NRXN2: variants seen among roughly 807,000 people sequenced by gnomAD.
NRXN2 encodes the protein neurexin 2, also known as neurexin-2-beta.
Under a neutral mutation model 128.8 loss-of-function variants are expected in NRXN2, and 29 were observed. The observed-to-expected ratio is 0.23, with a 90% CI of 0.17 to 0.31. The LOEUF (loss-of-function observed/expected upper bound fraction) is 0.31. Ranked by LOEUF, NRXN2 falls within the 10% of genes least tolerant of loss-of-function variation. The probability of loss-of-function intolerance (pLI) is 1.00; values close to 1 mark genes in which losing one functional copy is unlikely to be tolerated. For missense variants in NRXN2, 1,881 were observed against 2,452.6 expected (o/e 0.77, Z 4.92); for synonymous variants, 1,098 against 1,075.2 (o/e 1.02, Z -0.41).
At chr11:64,614,256 AC>A (rs2041119539) in intron 22 of NRXN2, among the ~76,000 whole-genome samples, 2 of 152,300 alleles carry the variant, frequency 1.3e-5, no homozygotes, top group African/African-American at 4.8e-5. Flanking sequence ...CGCCCCCGCA[AC>A]CTCCCACCTA....
chr11:64,713,677 C>A lies in NRXN2; in HGVS notation c.23G>T (p.Arg8Leu), dbSNP rs940303150. The A allele has an allele frequency of 1.7e-6, 2 of 1,154,490 alleles. No individual in the cohort carries two copies. Among genetic ancestry groups the A allele is most frequent in the South Asian group, 3.9e-5 (1 of 25,620 alleles). 71.5% of individuals were successfully genotyped at this position (1,154,490 alleles called of 1,614,324 possible). Reference protein sequence around the residue: MASGSRWRPTPPPLLLLL... With the variant: MASGSRWLPTPPPLLLLL... ...CAACAGCAGCGGCGGCGGTGTCGGCCGCCACCGGCTCCCGGACGCCATGCC... is the reference window on the plus strand; with the variant it reads ...CAACAGCAGCGGCGGCGGTGTCGGCAGCCACCGGCTCCCGGACGCCATGCC... The change falls in exon 2 of 23, where the codon CGG becomes CTG. Residue 8 changes from arginine (R) to leucine (L), a missense_variant. By Grantham distance (102) the Arg-to-Leu change is moderately radical. This residue lies in a region of NRXN2 where 997 missense variants were observed against 1,240.8 expected (regional missense o/e 0.80). Transcript: ENST00000265459.
chr11:64,608,240 G>GCCGGCTTA (rs2040026045), intron 22 of NRXN2, among the ~76,000 whole-genome samples, 158 bp from the exon 23 acceptor site: 1 of 152,222 alleles, frequency 6.6e-6, no homozygotes, highest in Non-Finnish European at 1.5e-5. Flanking sequence ...CCAGCCGGCC[G>GCCGGCTTA]AGCACTGCGC....
chr11:64,642,548 C>A (rs1412154823), intron 17 of NRXN2: 1 of 1,608,790 alleles, frequency 6.2e-7, no homozygotes, highest in African/African-American at 1.3e-5. Context: ...CCGTGGCCGC[C>A]GCGGGTGAGG....
chr11:64,688,239 G>A (rs1015950711), intron 5 of NRXN2: 2 of 964,936 alleles, frequency 2.1e-6, no homozygotes, highest in East Asian at 1.1e-4. Context: ...TGGGGTGGGT[G>A]GCAAAGCTAG....
At chr11:64,669,779 A>C (rs979497684) in intron 7 of NRXN2, among the ~76,000 whole-genome samples, 1 of 152,212 alleles carries the variant, frequency 6.6e-6, no homozygotes, top group Non-Finnish European at 1.5e-5. Context: ...CTACTCTAGG[A>C]AGGCAGTGGT....
intron 2 of NRXN2, among the ~76,000 whole-genome samples, chr11:64,705,774 CCT>C (rs1289092908): frequency 6.6e-6 from 1 of 151,310 alleles, no homozygotes; most frequent in African/African-American, 2.4e-5. Flanking sequence ...ATTCCCCTCT[CCT>C]CTCACCCCTC....
At chr11:64,679,299 T>C (rs1565388955) in intron 6 of NRXN2, among the ~76,000 whole-genome samples, 1 of 152,340 alleles carries the variant, frequency 6.6e-6, no homozygotes, top group East Asian at 1.9e-4. Context: ...TTTTCAACTT[T>C]ATGAACAAGA....
At chr11:64,628,440 CTCAGTATATACAGGCAACCA>C (rs1320936490) in intron 19 of NRXN2, among the ~76,000 whole-genome samples, 1 of 152,122 alleles carries the variant, frequency 6.6e-6, no homozygotes. Flanking sequence ...AGGATCTGCC[CTCAGTATATACAGGCAACCA>C]CCAGACCCTC....
Position 64,690,457 on chromosome 11 carries a change from G to A in NRXN2, c.798C>T (p.Ser266=), listed in dbSNP as rs751041121. The change falls in exon 5 of 23, where the codon TCC becomes TCT. Residue 266 remains serine (S), a synonymous_variant. Coordinates refer to ENST00000265459, the MANE Select transcript of NRXN2 (RefSeq NM_015080.4). Reference sequence around the variant, plus strand: ...CTCCTCCTCTCCCGGCCCCCCCCTCGGAGAACAGTAAGGACCCTACTGGAG... The same window carrying A: ...CTCCTCCTCTCCCGGCCCCCCCCTCAGAGAACAGTAAGGACCCTACTGGAG... ...LNSEVGSLLF[S]EGGAGRGGAG... 48 of 1,613,302 alleles carry A rather than the reference G, an allele frequency of 3.0e-5. No individual in the cohort carries two copies. The South Asian group carries it at 3.3e-4, about 11-fold the overall frequency.
In NRXN2 at chr11:64,642,495, G is replaced by A. The variant is rs757723668; in HGVS notation, c.3403+5724C>T. 3.2e-6 allele frequency: 5 copies of A among 1,581,424 alleles called. No homozygotes were observed. The Admixed American group carries it at 5.2e-5, about 17-fold the overall frequency. Reference sequence around the variant, plus strand: ...GCTGCGCACACGGGAAGCGCCCCCCGCCCCCGGGCCAACCGGGTGGCCGGC... The same window carrying A: ...GCTGCGCACACGGGAAGCGCCCCCCACCCCCGGGCCAACCGGGTGGCCGGC... On this transcript the variant is annotated intron_variant, in intron 17 of 22. Coordinates refer to ENST00000265459, the MANE Select transcript of NRXN2 (RefSeq NM_015080.4).
Position 64,607,449 on chromosome 11 carries a change from A to T in NRXN2, c.4886T>A (p.Ile1629Asn). Residue 1629 changes from isoleucine (I) to asparagine (N), a missense_variant, in exon 23 of 23, where the codon ATC (isoleucine) becomes AAC (asparagine). Ile to Asn is a moderately radical substitution (Grantham distance 149, BLOSUM62 -3). Coordinates refer to ENST00000265459, the MANE Select transcript of NRXN2 (RefSeq NM_015080.4). ...ERGPPGAVEVIRESSSTTGMV... is the reference protein window; with the variant it reads ...ERGPPGAVEVNRESSSTTGMV... ...GCCCGTGGTGCTGCTGGACTCCCGGATCACCTCCACTGCGCCCGGCGGGCC... is the reference window on the plus strand; with the variant it reads ...GCCCGTGGTGCTGCTGGACTCCCGGTTCACCTCCACTGCGCCCGGCGGGCC... The T allele has an allele frequency of 6.2e-7, 1 of 1,611,784 alleles. No homozygotes were observed. The highest frequency in any genetic ancestry group is 8.5e-7 in the Non-Finnish European group (1 of 1,179,704).
rs775735079 is a variant in NRXN2, at chr11:64,648,272, C to A, written c.3350G>T (p.Gly1117Val). 82 of 1,614,098 alleles carry A rather than the reference C, an allele frequency of 5.1e-5. No individual in the cohort carries two copies. The highest frequency in any genetic ancestry group is 6.7e-5 in the Non-Finnish European group (79 of 1,180,032). The part of the protein sequence containing the change: ...NQGVCLQQWD[G>V]FTCDCTMTSY... ...AGTCATGGTGCAGTCGCAGGTGAAG[C>A]CATCCCACTGCTGCAAGCAGACGCC... Residue 1117 changes from glycine (G) to valine (V), a missense_variant, in exon 17 of 23, where the codon GGC (glycine) becomes GTC (valine). Gly to Val is a moderately radical substitution (Grantham distance 109, BLOSUM62 -3). This residue lies in a region of NRXN2 where 390 missense variants were observed against 599.6 expected (regional missense o/e 0.65). Coordinates refer to ENST00000265459, the MANE Select transcript of NRXN2 (RefSeq NM_015080.4). The surrounding 1 kb of genome is among the most constrained non-coding windows in gnomAD (Gnocchi z 4.1).
rs1042237080 is a variant in NRXN2, at chr11:64,615,520, C to A, written c.4252+4774G>T. 3.9e-5 allele frequency among the ~76,000 whole-genome samples: 6 copies of A among 152,150 alleles called. No homozygotes were observed. In the East Asian group the frequency reaches 1.2e-3, roughly 29 times the overall value. The stretch of plus-strand genomic sequence containing the variant: ...GGTCTCATTCATGTGTGCATGAGGG[C>A]AATGCTTCAGGAGGGATGCTTGCAT... On this transcript the variant is annotated intron_variant, in intron 22 of 22. Coordinates refer to ENST00000265459, the MANE Select transcript of NRXN2 (RefSeq NM_015080.4).
At chr11:64,716,824 C>T (rs1015195111) in intron 1 of NRXN2, among the ~76,000 whole-genome samples, 1 of 152,108 alleles carries the variant, frequency 6.6e-6, no homozygotes, top group Non-Finnish European at 1.5e-5. Context: ...GGCAGCTTCA[C>T]GCTTGCCAGG....
intron 11 of NRXN2, among the ~76,000 whole-genome samples, chr11:64,654,911 T>G (rs1463658576): frequency 1.3e-5 from 2 of 152,042 alleles, no homozygotes; most frequent in Non-Finnish European, 2.9e-5. Context: ...CTTCCCTCCA[T>G]GTGAGCTGAG....
intron 20 of NRXN2, among the ~76,000 whole-genome samples, chr11:64,625,601 A>G (rs555984930): frequency 6.6e-6 from 1 of 152,280 alleles, no homozygotes; most frequent in South Asian, 2.1e-4. Context: ...TGGAGATTTA[A>G]CAGTTCTACT....
intron 5 of NRXN2, among the ~76,000 whole-genome samples, chr11:64,687,807 C>T (rs2053264729): frequency 2.0e-5 from 3 of 152,136 alleles, no homozygotes; most frequent in Admixed American, 1.3e-4. Context: ...GGAACAGGTA[C>T]AGGAGATGGG....
intron 6 of NRXN2, among the ~76,000 whole-genome samples, chr11:64,680,702 G>C (rs1335185854): frequency 6.6e-6 from 1 of 152,188 alleles, no homozygotes; most frequent in Non-Finnish European, 1.5e-5. Context: ...GGGCTAGTGG[G>C]GAGAGACGTT....
chr11:64,607,520 G>T lies in NRXN2; in HGVS notation c.4815C>A (p.Gly1605=). 6.3e-7 allele frequency: 1 copy of T among 1,586,302 alleles called. No homozygotes were observed. Residue 1605 remains glycine (G), a synonymous_variant, in exon 23 of 23, where the codon GGC becomes GGA. Transcript: ENST00000265459. ...GGTTGGCTGTGGGCAGATGGGGGAA[G>T]CCGGGGGCTGAGGTCACGCCGGGGC... is the stretch of plus-strand genomic sequence containing the variant. ...PLRPGVTSAP[G]FPHLPTANPT... is the part of the protein sequence containing the mutation.
Sources: allele counts gnomAD v4.1 joint callset (sites outside exome capture counted in the v4.1 genomes callset), GRCh38; gene constraint gnomAD v4.1.1; regional missense constraint gnomAD v4.1.1; non-coding constraint Gnocchi (gnomAD v3.1); transcripts MANE v1.5; gene names NCBI Gene and HGNC (gene_info 2026-07-23, HGNC 2026-07-21).